Variants in PDE1A observed in about 807,000 individuals in gnomAD.
The protein encoded by PDE1A is phosphodiesterase 1A, also known as dual specificity calcium/calmodulin-dependent 3',5'-cyclic nucleotide phosphodiesterase 1A.
In PDE1A, 35 loss-of-function variants were observed where a neutral mutation model predicts 61.7. The ratio of observed to expected loss-of-function variants is 0.57; its 90% CI spans 0.43 to 0.75. The LOEUF (loss-of-function observed/expected upper bound fraction) is 0.75. PDE1A is among the 30% of genes least tolerant of loss of function. PDE1A has a pLI of 0.00. For missense variants in PDE1A, 597 were observed against 630.6 expected, an observed-to-expected ratio of 0.95 and a Z score of 0.57; for synonymous variants, 232 against 213.2, an observed-to-expected ratio of 1.09 and a Z score of -0.77.
intron 13 of PDE1A, among the ~76,000 whole-genome samples, chr2:182,171,016 G>A (rs186327576): frequency 5.7e-4 from 86 of 151,956 alleles, no homozygotes; most frequent in African/African-American, 1.7e-3. Flanking sequence ...CTTACTTCTA[G>A]TGAAAAACAC....
At chr2:182,211,337 G>A (rs2125531885) in intron 7 of PDE1A, among the ~76,000 whole-genome samples, 1 of 152,196 alleles carries the variant, frequency 6.6e-6, no homozygotes, top group South Asian at 2.1e-4. Flanking sequence ...TTTTTTGTAG[G>A]TTCATTACTG....
At chr2:182,509,404 A>G (rs1689643724) in intron 2 of PDE1A, among the ~76,000 whole-genome samples, 1 of 152,226 alleles carries the variant, frequency 6.6e-6, no homozygotes, top group Non-Finnish European at 1.5e-5. Context: ...AAAACTAGAC[A>G]AACAGATGGC....
intron 3 of PDE1A, among the ~76,000 whole-genome samples, chr2:182,238,820 A>G (rs1458050194): frequency 6.6e-6 from 1 of 152,192 alleles, no homozygotes; most frequent in East Asian, 1.9e-4. Context: ...GCATATTCAG[A>G]TATTTTATAT....
the PDE1A span, among the ~76,000 whole-genome samples, chr2:182,659,052 T>C: frequency 1.3e-5 from 2 of 152,156 alleles, no homozygotes; most frequent in African/African-American, 4.8e-5. Context: ...CTGCCTATAT[T>C]ACCTATTTAA....
At chr2:182,711,836 A>G in the PDE1A span, among the ~76,000 whole-genome samples, 10 of 152,342 alleles carry the variant, frequency 6.6e-5, no homozygotes, top group African/African-American at 2.2e-4. Flanking sequence ...CCATAGAATA[A>G]AAAATCCATG....
intron 1 of PDE1A, among the ~76,000 whole-genome samples, chr2:182,281,012 C>A (rs928611145): frequency 2.0e-5 from 3 of 151,794 alleles, no homozygotes; most frequent in African/African-American, 7.3e-5. Flanking sequence ...AGATGTTTTT[C>A]ACAAACAGAA....
In PDE1A at chr2:182,514,897, T is replaced by C. The variant is rs117627779; in HGVS notation, c.101+7379A>G. ...TCAACAGAAAGTTTATTTTGTTCTA[T>C]AGTTCTGCAGTTTTGAAGGTTAAGT... is the stretch of plus-strand genomic sequence containing the variant. On this transcript the variant is annotated intron_variant, in intron 2 of 14. Transcript: ENST00000410103. Among the ~76,000 whole-genome samples, 83 of 152,324 alleles carry C rather than the reference T, an allele frequency of 5.4e-4. No individual in the cohort carries two copies. The East Asian group carries it at 0.016, about 29-fold the overall frequency.
chr2:182,570,314 G>C, the PDE1A span, among the ~76,000 whole-genome samples: 1 of 152,170 alleles, frequency 6.6e-6, no homozygotes, highest in African/African-American at 2.4e-5. Flanking sequence ...TTAATACTGA[G>C]CTTCATATTT....
the PDE1A span, among the ~76,000 whole-genome samples, chr2:182,581,149 T>C: frequency 6.6e-6 from 1 of 152,188 alleles, no homozygotes; most frequent in African/African-American, 2.4e-5. Flanking sequence ...CTAGTTTTAA[T>C]TATACCAAAG....
the PDE1A span, among the ~76,000 whole-genome samples, chr2:182,580,228 T>G: frequency 3.9e-5 from 6 of 152,180 alleles, no homozygotes; most frequent in Non-Finnish European, 7.3e-5. Flanking sequence ...TATTAATTAA[T>G]AGTTTGCTGG....
chr2:182,342,982 C>T (rs905670060), intron 1 of PDE1A, among the ~76,000 whole-genome samples: 7 of 152,178 alleles, frequency 4.6e-5, no homozygotes, highest in African/African-American at 1.7e-4. Context: ...CATGCGTTCA[C>T]ATATGTTTGT....
intron 1 of PDE1A, among the ~76,000 whole-genome samples, chr2:182,389,754 G>C (rs1385496765): frequency 2.0e-5 from 3 of 152,204 alleles, no homozygotes; most frequent in African/African-American, 7.2e-5. Context: ...GATTGGGAGA[G>C]GTAGACTCAC....
intron 13 of PDE1A, among the ~76,000 whole-genome samples, chr2:182,152,900 G>A (rs1282462416): frequency 6.6e-6 from 1 of 152,130 alleles, no homozygotes; most frequent in South Asian, 2.1e-4. Context: ...CTCCAACCCT[G>A]TAAAATTAGA....
intron 1 of PDE1A, among the ~76,000 whole-genome samples, chr2:182,267,072 G>C (rs918873591): frequency 6.6e-6 from 1 of 152,088 alleles, no homozygotes; most frequent in Non-Finnish European, 1.5e-5. Flanking sequence ...ATTATCAAAT[G>C]AGATGATGAG....
chr2:182,272,271 C>G (rs1574215478), intron 1 of PDE1A, among the ~76,000 whole-genome samples: 1 of 152,286 alleles, frequency 6.6e-6, no homozygotes, highest in Middle Eastern at 3.4e-3. Context: ...TGTACCTGTG[C>G]AGTCACTCAG....
At chr2:182,244,144 G>A (rs1035943085) in intron 2 of PDE1A, among the ~76,000 whole-genome samples, 1 of 152,212 alleles carries the variant, frequency 6.6e-6, no homozygotes, top group Non-Finnish European at 1.5e-5. Flanking sequence ...TGGGATTACA[G>A]GAGTGAGCCA....
chr2:182,385,503 G>A (rs1043794501), intron 1 of PDE1A, among the ~76,000 whole-genome samples: 15 of 151,636 alleles, frequency 9.9e-5, no homozygotes, highest in Non-Finnish European at 1.9e-4. Flanking sequence ...AAAGTTATTA[G>A]ATTTTTTGCA....
At chr2:182,509,514 G>A (rs977648364) in intron 2 of PDE1A, among the ~76,000 whole-genome samples, 2 of 152,228 alleles carry the variant, frequency 1.3e-5, no homozygotes, top group East Asian at 3.8e-4. Context: ...ATCTAAGTCA[G>A]TGTTCAGTGG....
rs370415229 is a variant in PDE1A, at chr2:182,240,227, C to T, written c.233G>A (p.Arg78Gln). Residue 78 changes from arginine (R) to glutamine (Q), a missense_variant, in exon 3 of 14, where the codon CGG becomes CAG. Transcript: ENST00000351439. ...TGTAAAGGTAGAAGCCAACCAGTCC[C>T]GGACTTCAGATGGGACTGAGTCAGT... The T allele has an allele frequency of 8.7e-6, 14 of 1,613,464 alleles. No individual in the cohort carries two copies. Among genetic ancestry groups the T allele is most frequent in the Middle Eastern group, 1.6e-4 (1 of 6,084 alleles).
Sources: gnomAD v4.1 joint callset for allele counts (sites outside exome capture counted in the v4.1 genomes callset) on GRCh38, gnomAD v4.1.1 for gene constraint, MANE v1.5 for transcripts, NCBI Gene and HGNC (gene_info 2026-07-23, HGNC 2026-07-21) for gene names.